The following MOB2 variants were observed in gnomAD, a reference collection of about 807,000 sequenced individuals.
MOB2 encodes the protein MOB2 Mps One Binder homolog.
In MOB2, 14 loss-of-function variants were observed where a neutral mutation model predicts 27.4. The ratio of observed to expected loss-of-function variants is 0.51; its 90% CI spans 0.34 to 0.80. The LOEUF is 0.80. Among genes scored for constraint, MOB2 ranks in the 30% least tolerant of loss-of-function variants. The pLI, the probability that MOB2 is intolerant of heterozygous loss-of-function variation, is 0.01. For synonymous variants in MOB2, 167 were observed against 151.8 expected, an observed-to-expected ratio of 1.10 and a Z score of -0.74; for missense variants, 304 against 354.6, an observed-to-expected ratio of 0.86 and a Z score of 1.15.
At chr11:1,483,737 C>T (rs151086323) in intron 1 of MOB2, among the ~76,000 whole-genome samples, 250 of 152,372 alleles carry the variant, frequency 1.6e-3, no homozygotes, top group Non-Finnish European at 2.5e-3. Flanking sequence ...TCCCCATTCT[C>T]GCCAGTGGTA....
Position 1,470,171 on chromosome 11 carries a change from C to T in MOB2, c.*1G>A. On this transcript the variant is annotated 3_prime_UTR_variant, in exon 5 of 5. Transcript: ENST00000329957. ...GTGTGCCCCTGTCCGGCCCGGGGGGCTCATCTCTCCTTCACGTGGTTCTGT... is the reference window on the plus strand; with the variant it reads ...GTGTGCCCCTGTCCGGCCCGGGGGGTTCATCTCTCCTTCACGTGGTTCTGT... 1 of 1,595,290 alleles carries T rather than the reference C, an allele frequency of 6.3e-7. No homozygotes were observed.
intron 1 of MOB2, among the ~76,000 whole-genome samples, chr11:1,484,665 T>C (rs1590768594): frequency 6.6e-6 from 1 of 152,058 alleles, no homozygotes; most frequent in South Asian, 2.1e-4. Flanking sequence ...CACCCCTACA[T>C]TTCTGATGTG....
chr11:1,471,911 C>G (rs1847797197), intron 3 of MOB2: 1 of 153,732 alleles, frequency 6.5e-6, no homozygotes, highest in African/African-American at 2.4e-5. Flanking sequence ...CCGGGGAAAG[C>G]AGAGGAGGGC....
chr11:1,471,503 G>A (rs1590761257), intron 3 of MOB2, 84 bp from the exon 4 acceptor site: 40 of 1,521,140 alleles, frequency 2.6e-5, no homozygotes, highest in Middle Eastern at 2.0e-4. Flanking sequence ...GGTCATCTGC[G>A]GGCAGAGGTG....
intron 3 of MOB2, 55 bp downstream of exon 3, chr11:1,480,338 C>T: frequency 1.3e-6 from 2 of 1,541,352 alleles, no homozygotes; most frequent in Non-Finnish European, 1.8e-6. Flanking sequence ...AGCGGGGGCT[C>T]AGAGCCCCAC....
At chr11:1,483,931 C>A (rs1255007092) in intron 1 of MOB2, among the ~76,000 whole-genome samples, 1 of 152,184 alleles carries the variant, frequency 6.6e-6, no homozygotes, top group Non-Finnish European at 1.5e-5. Flanking sequence ...GGGGTCTCAC[C>A]CTGCCCACAG....
In MOB2 at chr11:1,486,373, T is replaced by A. The variant is rs1297285721; in HGVS notation, c.110+74A>T. Reference sequence around the variant, plus strand: ...AGTCCGCCGCCTCCCCACCCTGACCTCCTTCCTGGGGGCAAGAACAGGGCA... The same window carrying A: ...AGTCCGCCGCCTCCCCACCCTGACCACCTTCCTGGGGGCAAGAACAGGGCA... On this transcript the variant is annotated intron_variant, in intron 1 of 4. Coordinates refer to ENST00000329957, the MANE Select transcript of MOB2 (RefSeq NM_001172223.3). 3 of 1,215,852 alleles carry A rather than the reference T, an allele frequency of 2.5e-6. No individual in the cohort carries two copies. The African/African-American group carries it at 4.5e-5, about 18-fold the overall frequency. 75.3% of individuals were successfully genotyped at this position (1,215,852 alleles called of 1,614,324 possible).
chr11:1,483,508 C>G (rs2133368217), intron 1 of MOB2, among the ~76,000 whole-genome samples: 1 of 152,308 alleles, frequency 6.6e-6, no homozygotes, highest in African/African-American at 2.4e-5. Context: ...AGGCACCATG[C>G]ACTTAGGAGG....
intron 1 of MOB2, 148 bp from the exon 2 acceptor site, chr11:1,481,033 C>T: frequency 2.1e-6 from 2 of 954,532 alleles, no homozygotes; most frequent in Non-Finnish European, 3.1e-6. Context: ...TCAAAGGACA[C>T]CAACGGGACA....
intron 1 of MOB2, among the ~76,000 whole-genome samples, chr11:1,481,875 GC>G (rs1847919452): frequency 6.6e-6 from 1 of 152,194 alleles, no homozygotes; most frequent in Non-Finnish European, 1.5e-5. Flanking sequence ...TGGGCCACAT[GC>G]AGCGTGGGCA....
intron 1 of MOB2, among the ~76,000 whole-genome samples, chr11:1,486,064 G>A (rs917322533): frequency 7.2e-5 from 11 of 152,246 alleles, no homozygotes; most frequent in Admixed American, 1.3e-4. Context: ...ACCTGCTGGC[G>A]GCTGAGGAAC....
intron 1 of MOB2, 158 bp from the exon 2 acceptor site, chr11:1,481,043 A>T (rs1847907661): frequency 1.1e-6 from 1 of 876,810 alleles, no homozygotes; most frequent in African/African-American, 1.7e-5. Flanking sequence ...CCAACGGGAC[A>T]CCAACGGTGA....
chr11:1,481,137 GC>G (rs1399162280), intron 1 of MOB2: 2 of 627,190 alleles, frequency 3.2e-6, no homozygotes, highest in South Asian at 1.6e-5. Context: ...TGCCACACGG[GC>G]CCCTGCACGG....
intron 3 of MOB2, among the ~76,000 whole-genome samples, chr11:1,478,839 C>G (rs904998460): frequency 6.6e-6 from 1 of 152,184 alleles, no homozygotes; most frequent in Non-Finnish European, 1.5e-5. Flanking sequence ...GGAGACGCGC[C>G]TCAATCCCAG....
chr11:1,482,993 G>A (rs891813380), intron 1 of MOB2, among the ~76,000 whole-genome samples: 4 of 152,232 alleles, frequency 2.6e-5, no homozygotes, highest in African/African-American at 9.6e-5. Flanking sequence ...CCAAGCCAGC[G>A]GCAGCTACCG....
At position 1,486,520 on chromosome 11, in the gene MOB2, C is replaced by G; in HGVS notation, c.37G>C (p.Ala13Pro). Residue 13 changes from alanine (A) to proline (P), a missense_variant, in exon 1 of 5, where the codon GCC becomes CCC. Ala to Pro is a conservative substitution (Grantham distance 27, BLOSUM62 -1). Transcript: ENST00000329957. ...GDHCSLPEDQ[A>P]RPGQSLQSGL... is the part of the protein sequence containing the mutation. Reference sequence around the variant, plus strand: ...CTTTGCAGGGACTGGCCGGGCCGGGCTTGGTCTTCAGGGAGACTGCAGTGG... The same window carrying G: ...CTTTGCAGGGACTGGCCGGGCCGGGGTTGGTCTTCAGGGAGACTGCAGTGG... The G allele has an allele frequency of 2.0e-6, 3 of 1,535,788 alleles. No individual in the cohort carries two copies. Among genetic ancestry groups the G allele is most frequent in the Non-Finnish European group, 2.6e-6 (3 of 1,146,764 alleles).
intron 3 of MOB2, among the ~76,000 whole-genome samples, chr11:1,475,797 CTTT>C (rs759169374): frequency 2.0e-5 from 3 of 152,196 alleles, no homozygotes; most frequent in Non-Finnish European, 4.4e-5. Flanking sequence ...ATTAAAGGGA[CTTT>C]TTTTCCCTTT....
intron 1 of MOB2, among the ~76,000 whole-genome samples, chr11:1,483,630 G>C (rs1215890057): frequency 6.6e-6 from 1 of 152,198 alleles, no homozygotes; most frequent in African/African-American, 2.4e-5. Flanking sequence ...TCTGCACCCT[G>C]TTTGTGGGCA....
At chr11:1,473,756 T>C (rs1486604222) in intron 3 of MOB2, among the ~76,000 whole-genome samples, 1 of 152,258 alleles carries the variant, frequency 6.6e-6, no homozygotes, top group Non-Finnish European at 1.5e-5. Flanking sequence ...TATATAGTTC[T>C]AAGATTTTTA....
Sources: gnomAD v4.1 joint callset for allele counts (sites outside exome capture counted in the v4.1 genomes callset) on GRCh38, gnomAD v4.1.1 for gene constraint, MANE v1.5 for transcripts, NCBI Gene and HGNC (gene_info 2026-07-23, HGNC 2026-07-21) for gene names.